The following ROBO1 variants were observed in gnomAD, a reference collection of about 807,000 sequenced individuals.
ROBO1 encodes the protein roundabout homolog 1.
In ROBO1, 149 loss-of-function variants were observed where a neutral mutation model predicts 195.9. That is an observed-to-expected ratio of 0.76 (90% CI 0.67 to 0.87). ROBO1 has a LOEUF of 0.87. Ranked by LOEUF, ROBO1 falls within the 40% of genes least tolerant of loss-of-function variation. The probability of loss-of-function intolerance (pLI) is 0.00; values close to 1 mark genes in which losing one functional copy is unlikely to be tolerated. For missense variants in ROBO1, 1,933 were observed against 2,068.3 expected, an observed-to-expected ratio of 0.93 and a Z score of 1.27; for synonymous variants, 816 against 733.2, an observed-to-expected ratio of 1.11 and a Z score of -1.82.
In ROBO1 at chr3:78,631,275, G is replaced by T; in HGVS notation, c.3512C>A (p.Thr1171Lys). 2.5e-6 allele frequency: 4 copies of T among 1,613,424 alleles called. No homozygotes were observed. The highest frequency in any genetic ancestry group is 3.4e-6 in the Non-Finnish European group (4 of 1,179,614). ...GCCACCCTGTTTTGGTACCTTGGGT[G>T]TTCTTGCCCCTTTCTTGTGCCCCTG... ...GSQGHKKGAR[T>K]PKVPKQGGMN... is the part of the protein sequence containing the mutation. The change falls in exon 25 of 31, where the codon ACA becomes AAA. Residue 1171 changes from threonine (T) to lysine (K), a missense_variant. Around this residue, in one of 3 missense-constraint regions of ROBO1, gnomAD observed 1,737 missense variants for 1,882.5 expected, o/e 0.92. Transcript: ENST00000464233.
chr3:79,726,718 T>C (rs147767617), intron 1 of ROBO1, among the ~76,000 whole-genome samples: 286 of 152,346 alleles, frequency 1.9e-3, no homozygotes, highest in Admixed American at 2.8e-3. Flanking sequence ...TTAAGCCAAA[T>C]ACATTTGTAC....
chr3:78,862,202 T>G (rs555924754), intron 4 of ROBO1, among the ~76,000 whole-genome samples: 1 of 152,020 alleles, frequency 6.6e-6, no homozygotes, highest in East Asian at 1.9e-4. Flanking sequence ...GCTCTAAGTG[T>G]GACAGACTCA....
intron 1 of ROBO1, among the ~76,000 whole-genome samples, chr3:79,736,799 T>C (rs779806949): frequency 6.6e-6 from 1 of 152,198 alleles, no homozygotes; most frequent in African/African-American, 2.4e-5. Context: ...AAGTTTTCCC[T>C]AAATACATAG....
chr3:79,289,703 T>C (rs898980616), intron 2 of ROBO1, among the ~76,000 whole-genome samples: 2 of 152,180 alleles, frequency 1.3e-5, no homozygotes, highest in African/African-American at 4.8e-5. Flanking sequence ...ACAAAAATAA[T>C]ATGCAAGAAA....
chr3:79,371,493 A>G (rs2036191652), intron 2 of ROBO1, among the ~76,000 whole-genome samples: 1 of 152,172 alleles, frequency 6.6e-6, no homozygotes, highest in Admixed American at 6.5e-5. Context: ...CAGAAACAGA[A>G]GATAAGGCAA....
In ROBO1 at chr3:78,600,103, T is replaced by A; in HGVS notation, c.4941+10A>T. On this transcript the variant is annotated intron_variant, in intron 30 of 30. Transcript: ENST00000464233. ...TAACATTGGTAAACTTGGGGAAAAA[T>A]TATAGATACCTCTAATTCTTCATTA... 1.2e-6 allele frequency: 2 copies of A among 1,607,288 alleles called. No homozygotes were observed. The highest frequency in any genetic ancestry group is 1.7e-6 in the Non-Finnish European group (2 of 1,174,524).
intron 10 of ROBO1, among the ~76,000 whole-genome samples, chr3:78,684,736 A>G (rs142268922): frequency 4.6e-4 from 70 of 152,282 alleles, no homozygotes; most frequent in African/African-American, 1.6e-3. Context: ...AAAGATGAGG[A>G]GTCAAAGATG....
At chr3:78,764,608 G>A (rs571561724) in intron 4 of ROBO1, among the ~76,000 whole-genome samples, 1 of 152,116 alleles carries the variant, frequency 6.6e-6, no homozygotes, top group Non-Finnish European at 1.5e-5. Flanking sequence ...CCAACACTTA[G>A]AAGAGAACTA....
At chr3:79,349,391 A>C (rs1195322114) in intron 2 of ROBO1, among the ~76,000 whole-genome samples, 2 of 152,132 alleles carry the variant, frequency 1.3e-5, no homozygotes, top group African/African-American at 4.8e-5. Context: ...CCCCTAATTG[A>C]TCTACAGATT....
At chr3:79,280,167 A>G (rs2031396967) in intron 2 of ROBO1, among the ~76,000 whole-genome samples, 1 of 152,152 alleles carries the variant, frequency 6.6e-6, no homozygotes, top group Non-Finnish European at 1.5e-5. Context: ...GGAAGAATAC[A>G]TTCTATTGTT....
At chr3:79,125,381 A>G (rs1477790730) in intron 3 of ROBO1, 75 bp downstream of exon 3, 3 of 1,183,922 alleles carry the variant, frequency 2.5e-6, no homozygotes, top group Non-Finnish European at 3.7e-6. Context: ...GATTAATTTT[A>G]TACAGGTGGT....
intron 2 of ROBO1, among the ~76,000 whole-genome samples, chr3:79,180,982 G>C (rs549616398): frequency 1.3e-5 from 2 of 152,048 alleles, no homozygotes; most frequent in Non-Finnish European, 2.9e-5. Flanking sequence ...TAGCACAGAA[G>C]CAAGTGTGTT....
intron 4 of ROBO1, among the ~76,000 whole-genome samples, chr3:78,783,955 G>C (rs2083756412): frequency 6.6e-6 from 1 of 152,044 alleles, no homozygotes; most frequent in African/African-American, 2.4e-5. Flanking sequence ...CATTATTGTG[G>C]CTCTATGAAA....
intron 2 of ROBO1, among the ~76,000 whole-genome samples, chr3:79,180,986 G>A (rs1221635183): frequency 1.3e-5 from 2 of 152,048 alleles, no homozygotes; most frequent in Non-Finnish European, 2.9e-5. Context: ...ACAGAAGCAA[G>A]TGTGTTAAAT....
At chr3:78,679,617 C>T (rs1404050970) in intron 10 of ROBO1, among the ~76,000 whole-genome samples, 1 of 152,010 alleles carries the variant, frequency 6.6e-6, no homozygotes, top group Non-Finnish European at 1.5e-5. Flanking sequence ...ATCCAACTTA[C>T]AAGGGATGTG....
intron 9 of ROBO1, among the ~76,000 whole-genome samples, chr3:78,687,924 C>T (rs1189298623): frequency 2.0e-5 from 3 of 152,278 alleles, no homozygotes; most frequent in African/African-American, 7.2e-5. Context: ...AGTCACTGTG[C>T]CCAGCCGCGT....
chr3:79,023,671 A>ATT (rs34267931), intron 3 of ROBO1, among the ~76,000 whole-genome samples: 35,085 of 114,666 alleles, frequency 0.31, 5,937 homozygotes, highest in African/African-American at 0.38. Flanking sequence ...AATAGGGCCA[A>ATT]TTTTTTTTTT....
chr3:78,704,135 T>A (rs902526700), intron 8 of ROBO1, among the ~76,000 whole-genome samples: 2 of 152,174 alleles, frequency 1.3e-5, no homozygotes, highest in African/African-American at 2.4e-5. Flanking sequence ...CTTGACACTA[T>A]TAGTTTTGGC....
intron 4 of ROBO1, among the ~76,000 whole-genome samples, chr3:78,795,336 A>G (rs532255674): frequency 6.6e-6 from 1 of 152,220 alleles, no homozygotes. Context: ...TACAATCTCA[A>G]GAAACAAAAT....
Sources: gnomAD v4.1 joint callset for allele counts (sites outside exome capture counted in the v4.1 genomes callset) on GRCh38, gnomAD v4.1.1 for gene constraint, gnomAD v4.1.1 regional missense constraint, MANE v1.5 for transcripts, NCBI Gene and HGNC (gene_info 2026-07-23, HGNC 2026-07-21) for gene names.